MAPK6: variants seen among roughly 807,000 people sequenced by gnomAD.
MAPK6 encodes mitogen-activated protein kinase 6, also known as ERK-3.
Under a neutral mutation model 59.3 loss-of-function variants are expected in MAPK6, and 19 were observed. The observed-to-expected ratio is 0.32, with a 90% CI of 0.22 to 0.47. The LOEUF is 0.47. Among genes scored for constraint, MAPK6 ranks in the 20% least tolerant of loss-of-function variants. MAPK6 has a pLI of 1.00. For synonymous variants in MAPK6, 316 were observed against 290.3 expected, an observed-to-expected ratio of 1.09 and a Z score of -0.90; for missense variants, 724 against 847.9, an observed-to-expected ratio of 0.85 and a Z score of 1.81.
chr15:52,053,079 T>TG (rs1336382063), intron 3 of MAPK6, among the ~76,000 whole-genome samples: 1 of 150,914 alleles, frequency 6.6e-6, no homozygotes, highest in Non-Finnish European at 1.5e-5. Context: ...GGTTTTTTTT[T>TG]TTTTTTTTTT....
chr15:52,022,059 C>T (rs956960521), intron 1 of MAPK6, among the ~76,000 whole-genome samples: 3 of 152,042 alleles, frequency 2.0e-5, no homozygotes, highest in Non-Finnish European at 4.4e-5. Context: ...TGCGTTGGCT[C>T]ACACCTGTAA....
At chr15:52,039,803 C>T (rs529937744) in intron 1 of MAPK6, among the ~76,000 whole-genome samples, 2 of 152,076 alleles carry the variant, frequency 1.3e-5, no homozygotes, top group Admixed American at 1.3e-4. Context: ...AAGTGTGAGC[C>T]ACCACGCCCA....
At position 52,058,628 on chromosome 15, in the gene MAPK6, C is replaced by T; in HGVS notation, c.701-5C>T. On this transcript the variant is annotated splice_polypyrimidine_tract_variant and splice_region_variant and intron_variant, in intron 3 of 5. Transcript: ENST00000261845. ...TGTGTTTTTTTGTTTGTTTTTTAAC[C>T]TCAGGTGCACATGAACTTGAACAGA... 2 of 1,589,524 alleles carry T rather than the reference C, an allele frequency of 1.3e-6. No individual in the cohort carries two copies. The highest frequency in any genetic ancestry group is 1.7e-6 in the Non-Finnish European group (2 of 1,166,734).
At chr15:52,015,283 GAGCCACCGCACCC>G (rs2141836350), upstream of MAPK6, among the ~76,000 whole-genome samples, 1 of 151,726 alleles carries the variant, frequency 6.6e-6, no homozygotes, top group South Asian at 2.1e-4. Flanking sequence ...TTACAGGTAT[GAGCCACCGCACCC>G]AGCCTACACC....
chr15:51,998,687 A>AGTTTTTTTTTTTTTTTTTTTTT (rs2057233115), intron 2 of MAPK6, among the ~76,000 whole-genome samples: 1 of 38,472 alleles, frequency 2.6e-5, no homozygotes, highest in Non-Finnish European at 4.6e-5. Context: ...TGCCTGGTTA[A>AGTTTTTTTTTTTTTTTTTTTTT]TTTTTTTTTT....
At chr15:52,041,763 C>G (rs1368003608) in intron 1 of MAPK6, among the ~76,000 whole-genome samples, 11 of 152,152 alleles carry the variant, frequency 7.2e-5, no homozygotes, top group Admixed American at 2.0e-4. Context: ...CATGAGAGGC[C>G]TCTGCCTTTT....
chr15:52,056,968 C>T (rs1259505054), intron 3 of MAPK6: 1 of 152,152 alleles, frequency 6.6e-6, no homozygotes, highest in East Asian at 1.9e-4. Context: ...AGAACTGGGC[C>T]CCTGATATTT....
At chr15:52,025,254 A>G (rs72732969) in intron 1 of MAPK6, among the ~76,000 whole-genome samples, 17,081 of 152,092 alleles carry the variant, frequency 0.11, 1,488 homozygotes, top group East Asian at 0.44. Flanking sequence ...AAATACGTAA[A>G]TAAATAAAAA....
At chr15:52,033,480 A>G (rs1239399771) in intron 1 of MAPK6, among the ~76,000 whole-genome samples, 1 of 152,152 alleles carries the variant, frequency 6.6e-6, no homozygotes, top group Non-Finnish European at 1.5e-5. Flanking sequence ...CTTGAACATC[A>G]GACTCCAGAT....
chr15:52,005,688 A>T (rs984946432), intron 3 of MAPK6, among the ~76,000 whole-genome samples: 1 of 152,026 alleles, frequency 6.6e-6, no homozygotes, highest in Non-Finnish European at 1.5e-5. Flanking sequence ...CCTTGGACAG[A>T]CCCCACCCTT....
At chr15:52,007,280 G>A (rs948035754) in intron 3 of MAPK6, among the ~76,000 whole-genome samples, 1 of 152,132 alleles carries the variant, frequency 6.6e-6, no homozygotes, top group African/African-American at 2.4e-5. Context: ...GGGAGTGGGA[G>A]CAGGTGGGGA....
intron 3 of MAPK6, among the ~76,000 whole-genome samples, chr15:52,055,526 TG>T (rs1036414950): frequency 2.6e-5 from 4 of 152,192 alleles, no homozygotes; most frequent in African/African-American, 9.7e-5. Flanking sequence ...TTTGTTTGTT[TG>T]TTTGTTTTGG....
chr15:51,971,835 A>G (rs2057127556), exon 1 of MAPK6: 1 of 1,389,486 alleles, frequency 7.2e-7, no homozygotes, highest in South Asian at 1.2e-5. Context: ...AGTGTCGCAA[A>G]GATTCGCCGA....
intron 3 of MAPK6, among the ~76,000 whole-genome samples, chr15:52,057,635 C>T (rs1452832383): frequency 6.6e-6 from 1 of 152,126 alleles, no homozygotes; most frequent in African/African-American, 2.4e-5. Flanking sequence ...ACCTCCTCCT[C>T]CAGGGTCCAA....
At chr15:52,033,285 T>A (rs1595986292) in intron 1 of MAPK6, among the ~76,000 whole-genome samples, 1 of 152,320 alleles carries the variant, frequency 6.6e-6, no homozygotes, top group East Asian at 1.9e-4. Flanking sequence ...CAGAGGAGAC[T>A]GACCTTTGAG....
chr15:52,010,898 A>T (rs905975820), intron 3 of MAPK6: 1 of 152,180 alleles, frequency 6.6e-6, no homozygotes, highest in Admixed American at 6.5e-5. Flanking sequence ...GCATTTCCAA[A>T]AATCATTCGT....
intron 2 of MAPK6, among the ~76,000 whole-genome samples, chr15:51,984,692 G>A (rs541083845): frequency 6.6e-6 from 1 of 151,876 alleles, no homozygotes; most frequent in East Asian, 1.9e-4. Context: ...TCTCCGGGGG[G>A]GAAGAAAAGC....
rs539970264 is a variant in MAPK6 at position 52,008,516 on chromosome 15, A to T, written c.-632+4114A>T. 2.2e-3 allele frequency among the ~76,000 whole-genome samples: 339 copies of T among 152,222 alleles called. 4 individuals carry two copies. Among genetic ancestry groups the T allele is most frequent in the Non-Finnish European group, 2.4e-3 (166 of 68,008 alleles). On this transcript the variant is annotated intron_variant, in intron 3 of 7. Coordinates refer to the MAPK6 transcript ENST00000691380. ...AATCCTGTGCACATGGGTCATGGAG[A>T]ACACTATACATGAACAGGGTGGCAG...
At chr15:52,032,087 G>A (rs1489588466) in intron 1 of MAPK6, among the ~76,000 whole-genome samples, 1 of 151,800 alleles carries the variant, frequency 6.6e-6, no homozygotes, top group African/African-American at 2.4e-5. Context: ...TGTTAGCCAG[G>A]ATGGTCTCGA....
Sources: allele counts gnomAD v4.1 joint callset (sites outside exome capture counted in the v4.1 genomes callset), GRCh38; gene constraint gnomAD v4.1.1; transcripts MANE v1.5; gene names NCBI Gene and HGNC (gene_info 2026-07-23, HGNC 2026-07-21).